COP1: variants seen among roughly 807,000 people sequenced by gnomAD.
COP1 encodes the protein E3 ubiquitin-protein ligase COP1.
In COP1, 24 loss-of-function variants were observed where a neutral mutation model predicts 101.3. That is an observed-to-expected ratio of 0.24 (90% CI 0.17 to 0.33). The LOEUF (loss-of-function observed/expected upper bound fraction) is 0.33. Among genes scored for constraint, COP1 ranks in the 10% least tolerant of loss-of-function variants. The pLI is 1.00. For synonymous variants in COP1, 347 were observed against 341.9 expected (o/e 1.01, Z -0.17); for missense variants, 663 against 906.2 (o/e 0.73, Z 3.45).
chr1:175,972,380 T>A (rs1384295422), intron 18 of COP1, among the ~76,000 whole-genome samples: 3 of 151,520 alleles, frequency 2.0e-5, no homozygotes, highest in African/African-American at 7.3e-5. Context: ...GAGAGGGAAG[T>A]GAGGAGGAAA....
At chr1:176,043,325 AGC>A in intron 13 of COP1, 58 bp from the exon 14 acceptor site, 1 of 1,055,144 alleles carries the variant, frequency 9.5e-7, no homozygotes, top group South Asian at 1.4e-5. Context: ...AAATGAATAA[AGC>A]AAGAAAAAAA....
intron 6 of COP1, among the ~76,000 whole-genome samples, chr1:176,139,120 A>C (rs111728322): frequency 2.0e-5 from 3 of 152,006 alleles, no homozygotes; most frequent in Non-Finnish European, 4.4e-5. Context: ...GGGCACAGAC[A>C]TAAACAGACA....
chr1:176,135,498 C>G (rs370535479), intron 7 of COP1, among the ~76,000 whole-genome samples: 10 of 152,008 alleles, frequency 6.6e-5, no homozygotes, highest in East Asian at 3.9e-4. Flanking sequence ...ACTGGATCAT[C>G]AGGTTCAACT....
intron 9 of COP1, among the ~76,000 whole-genome samples, chr1:176,106,678 C>A (rs1684368648): frequency 6.6e-6 from 1 of 152,196 alleles, no homozygotes; most frequent in African/African-American, 2.4e-5. Context: ...ACCAATCAGG[C>A]ACTCCTGGCT....
intron 14 of COP1, 51 bp downstream of exon 14, chr1:176,043,135 G>T: frequency 9.0e-7 from 1 of 1,108,170 alleles, no homozygotes; most frequent in Non-Finnish European, 1.4e-6. Flanking sequence ...AGGAATTACA[G>T]TTAAGAGGGC....
intron 8 of COP1, among the ~76,000 whole-genome samples, chr1:176,123,033 A>T (rs1239843960): frequency 1.3e-5 from 2 of 152,220 alleles, no homozygotes; most frequent in Admixed American, 6.5e-5. Context: ...AACGTGGTTT[A>T]TTTGACTAGT....
chr1:176,136,373 G>A, intron 7 of COP1, 115 bp downstream of exon 7: 1 of 505,912 alleles, frequency 2.0e-6, no homozygotes, highest in Non-Finnish European at 3.5e-6. Flanking sequence ...AGTAACAGCT[G>A]TTACTTTCTT....
chr1:176,033,526 G>C (rs1275380221), intron 14 of COP1, among the ~76,000 whole-genome samples: 1 of 152,020 alleles, frequency 6.6e-6, no homozygotes, highest in East Asian at 1.9e-4. Flanking sequence ...CACATTTAAA[G>C]AAAAATACCT....
At chr1:175,995,359 T>C (rs1659867078) in intron 15 of COP1, among the ~76,000 whole-genome samples, 1 of 151,896 alleles carries the variant, frequency 6.6e-6, no homozygotes, top group African/African-American at 2.4e-5. Flanking sequence ...ACCAAACACA[T>C]TCAAAAGCTA....
chr1:176,004,715 G>T (rs1662655887), intron 15 of COP1, among the ~76,000 whole-genome samples: 1 of 148,932 alleles, frequency 6.7e-6, no homozygotes, highest in Non-Finnish European at 1.5e-5. Context: ...CTTGATCATG[G>T]TGGATAAGCT....
At chr1:176,094,902 T>C (rs1682048557) in intron 9 of COP1, among the ~76,000 whole-genome samples, 5 of 152,226 alleles carry the variant, frequency 3.3e-5, no homozygotes, top group Admixed American at 2.6e-4. Context: ...TAATATAAAA[T>C]AGCGGAGTAC....
intron 8 of COP1, chr1:176,133,982 T>C (rs1004411589): frequency 9.4e-6 from 4 of 423,704 alleles, no homozygotes; most frequent in South Asian, 5.0e-5. Context: ...TCGGCTGAAT[T>C]ACACAGCTAA....
At chr1:176,024,377 C>A (rs1378570665) in intron 15 of COP1, among the ~76,000 whole-genome samples, 1 of 152,078 alleles carries the variant, frequency 6.6e-6, no homozygotes, top group Non-Finnish European at 1.5e-5. Flanking sequence ...TAGTATGGGA[C>A]ATCAACCTCA....
At chr1:176,178,015 A>G (rs925738757) in intron 2 of COP1, among the ~76,000 whole-genome samples, 2 of 152,212 alleles carry the variant, frequency 1.3e-5, no homozygotes, top group African/African-American at 4.8e-5. Flanking sequence ...AATGTTCCAA[A>G]AACAGTATCA....
intron 18 of COP1, among the ~76,000 whole-genome samples, chr1:175,962,123 T>C (rs536448929): frequency 6.6e-6 from 1 of 152,324 alleles, no homozygotes; most frequent in East Asian, 1.9e-4. Context: ...GAGCAGTTTT[T>C]CTTTGGTGTT....
intron 5 of COP1, among the ~76,000 whole-genome samples, chr1:176,162,300 C>T (rs1471403426): frequency 6.6e-6 from 1 of 152,050 alleles, no homozygotes; most frequent in Non-Finnish European, 1.5e-5. Flanking sequence ...GTGTGTGTTG[C>T]TTATAATATA....
chr1:176,117,560 ATTAT>A (rs980097418), intron 8 of COP1, among the ~76,000 whole-genome samples: 5 of 152,222 alleles, frequency 3.3e-5, no homozygotes, highest in Non-Finnish European at 5.9e-5. Context: ...CGTATAAACG[ATTAT>A]TTACTTTTTG....
intron 8 of COP1, among the ~76,000 whole-genome samples, chr1:176,117,243 T>C (rs973194917): frequency 1.3e-5 from 2 of 152,186 alleles, no homozygotes; most frequent in African/African-American, 4.8e-5. Flanking sequence ...AACTGAACTA[T>C]CAAAAGAATA....
intron 1 of COP1, among the ~76,000 whole-genome samples, chr1:176,197,756 TG>T (rs1232757091): frequency 1.3e-5 from 2 of 152,246 alleles, no homozygotes; most frequent in Non-Finnish European, 2.9e-5. Context: ...ATAACATGAC[TG>T]TTTTCTTACA....
Sources: allele counts gnomAD v4.1 joint callset (sites outside exome capture counted in the v4.1 genomes callset), GRCh38; gene constraint gnomAD v4.1.1; transcripts MANE v1.5; gene names NCBI Gene and HGNC (gene_info 2026-07-23, HGNC 2026-07-21).